The following DGKI variants were observed in gnomAD, a reference collection of about 807,000 sequenced individuals.
DGKI encodes DAG kinase iota.
Under a neutral mutation model 147.5 loss-of-function variants are expected in DGKI, and 55 were observed. The ratio of observed to expected loss-of-function variants is 0.37; its 90% CI spans 0.30 to 0.47. DGKI has a LOEUF of 0.47. Among genes scored for constraint, DGKI ranks in the 20% least tolerant of loss-of-function variants. The pLI, the probability that DGKI is intolerant of heterozygous loss-of-function variation, is 1.00. For missense variants in DGKI, 1,007 were observed against 1,323.8 expected (o/e 0.76, Z 3.71); for synonymous variants, 469 against 477.1 (o/e 0.98, Z 0.22).
chr7:137,397,039 A>G (rs746215458), intron 31 of DGKI, among the ~76,000 whole-genome samples: 5 of 152,230 alleles, frequency 3.3e-5, no homozygotes, highest in Admixed American at 6.5e-5. Flanking sequence ...TCCAGTTGAG[A>G]AAGAATAAAT....
At chr7:137,441,420 CAAAAAA>C (rs538892825) in intron 28 of DGKI, among the ~76,000 whole-genome samples, 13 of 67,554 alleles carry the variant, frequency 1.9e-4, no homozygotes, top group East Asian at 4.4e-4. Flanking sequence ...GACTCCGTCT[CAAAAAA>C]AAAAAAAAAA....
In DGKI at chr7:137,633,284, A is replaced by C. The variant is rs144111519; in HGVS notation, c.805-9730T>G. 8.0e-3 allele frequency among the ~76,000 whole-genome samples: 1,216 copies of C among 151,938 alleles called. 23 individuals carry two copies. The highest frequency in any genetic ancestry group is 0.028 in the African/African-American group (1,143 of 41,398). The stretch of plus-strand genomic sequence containing the variant: ...TTTCAGAGAGTCTACTGGTTCCACA[A>C]ATCCATCAGTATTAATTTCCTTTGT... On this transcript the variant is annotated intron_variant, in intron 6 of 32. Transcript: ENST00000614521.
At chr7:137,656,229 T>C (rs1034517658) in intron 4 of DGKI, among the ~76,000 whole-genome samples, 4 of 152,226 alleles carry the variant, frequency 2.6e-5, no homozygotes, top group African/African-American at 9.6e-5. Flanking sequence ...CATCTAACTG[T>C]GTTCTTCCTT....
Position 137,554,429 on chromosome 7 carries a change from T to C in DGKI, c.1948-1861A>G, listed in dbSNP as rs535311491. 2.6e-5 allele frequency among the ~76,000 whole-genome samples: 4 copies of C among 152,290 alleles called. No homozygotes were observed. In the East Asian group the frequency reaches 7.7e-4, roughly 29 times the overall value. ...GCTGTCTATTTAACCTAGCATGTGT[T>C]AGTCTTCTGAGAACGTCAGATATTG... On this transcript the variant is annotated intron_variant, in intron 19 of 32. Coordinates refer to ENST00000614521, the MANE Select transcript of DGKI (RefSeq NM_001321708.2).
chr7:137,832,840 T>C (rs1798257866), intron 1 of DGKI, among the ~76,000 whole-genome samples: 1 of 152,380 alleles, frequency 6.6e-6, no homozygotes, highest in Non-Finnish European at 1.5e-5. Flanking sequence ...TCCAAGTTAC[T>C]TCTTGATTGC....
chr7:137,634,306 A>G (rs1268971972), intron 6 of DGKI, among the ~76,000 whole-genome samples: 1 of 151,978 alleles, frequency 6.6e-6, no homozygotes, highest in East Asian at 1.9e-4. Flanking sequence ...AATCCCTGTC[A>G]CTCCATGTGA....
intron 29 of DGKI, 42 bp from the exon 30 acceptor site, chr7:137,408,037 G>C (rs116216817): frequency 6.2e-7 from 1 of 1,609,848 alleles, no homozygotes; most frequent in East Asian, 2.2e-5. Flanking sequence ...GGCAGAATTC[G>C]GAACAAGGAT....
At chr7:137,626,394 G>T (rs1420984756) in intron 6 of DGKI, among the ~76,000 whole-genome samples, 1 of 151,558 alleles carries the variant, frequency 6.6e-6, no homozygotes, top group Non-Finnish European at 1.5e-5. Flanking sequence ...TGATGTCCAT[G>T]TGTTTACTAC....
intron 5 of DGKI, among the ~76,000 whole-genome samples, chr7:137,650,158 A>G (rs887009409): frequency 6.6e-6 from 1 of 152,180 alleles, no homozygotes; most frequent in Admixed American, 6.6e-5. Context: ...CATCTTCAAA[A>G]TGTCCTTTTA....
chr7:137,836,857 G>A (rs1161133462), intron 1 of DGKI, among the ~76,000 whole-genome samples: 1 of 152,154 alleles, frequency 6.6e-6, no homozygotes, highest in South Asian at 2.1e-4. Flanking sequence ...ATCAACCTTT[G>A]TCAAGGCCTC....
chr7:137,791,244 C>A (rs1441216232), intron 1 of DGKI, among the ~76,000 whole-genome samples: 1 of 152,064 alleles, frequency 6.6e-6, no homozygotes, highest in Non-Finnish European at 1.5e-5. Context: ...CCTCAGCTGG[C>A]CATAATATGA....
At chr7:137,571,344 T>C (rs1261126842) in intron 18 of DGKI, 58 bp from the exon 19 acceptor site, 2 of 1,275,308 alleles carry the variant, frequency 1.6e-6, no homozygotes, top group Admixed American at 2.0e-5. Context: ...ATGACTATCA[T>C]GAGGTGTTAG....
intron 21 of DGKI, among the ~76,000 whole-genome samples, chr7:137,497,345 A>G (rs1041684905): frequency 6.6e-6 from 1 of 152,176 alleles, no homozygotes; most frequent in African/African-American, 2.4e-5. Flanking sequence ...TGCTAATGGG[A>G]ATGTAAATTA....
At chr7:137,462,404 T>A (rs1284690673) in intron 27 of DGKI, among the ~76,000 whole-genome samples, 2 of 152,194 alleles carry the variant, frequency 1.3e-5, no homozygotes, top group African/African-American at 4.8e-5. Context: ...AGTAATTCAT[T>A]GTTGTTCCTT....
At chr7:137,768,474 A>T (rs772418318) in intron 1 of DGKI, among the ~76,000 whole-genome samples, 6 of 152,204 alleles carry the variant, frequency 3.9e-5, no homozygotes, top group Non-Finnish European at 8.8e-5. Context: ...CAGAGGGATG[A>T]CAAGAGACGA....
intron 3 of DGKI, among the ~76,000 whole-genome samples, chr7:137,662,618 G>A (rs1055976852): frequency 2.6e-5 from 4 of 152,080 alleles, no homozygotes; most frequent in African/African-American, 9.7e-5. Flanking sequence ...CCAGACCAAG[G>A]AGCAAAGATG....
At chr7:137,747,478 C>T (rs1795373942) in intron 1 of DGKI, among the ~76,000 whole-genome samples, 1 of 152,134 alleles carries the variant, frequency 6.6e-6, no homozygotes, top group Admixed American at 6.5e-5. Context: ...GACTTTGTAA[C>T]TTTACCTCAT....
At chr7:137,503,590 G>T (rs969159400) in intron 21 of DGKI, among the ~76,000 whole-genome samples, 10 of 152,096 alleles carry the variant, frequency 6.6e-5, no homozygotes, top group Non-Finnish European at 1.3e-4. Context: ...TGGTAGTTTT[G>T]CTATAGTACA....
At chr7:137,824,562 T>C (rs912663621) in intron 1 of DGKI, among the ~76,000 whole-genome samples, 1 of 151,580 alleles carries the variant, frequency 6.6e-6, no homozygotes, top group Non-Finnish European at 1.5e-5. Context: ...TATTGGGTTT[T>C]ATTTAAAGCC....
Sources: allele counts gnomAD v4.1 joint callset (sites outside exome capture counted in the v4.1 genomes callset), GRCh38; gene constraint gnomAD v4.1.1; transcripts MANE v1.5; gene names NCBI Gene and HGNC (gene_info 2026-07-23, HGNC 2026-07-21).